The following SCN7A variants were observed in gnomAD, a reference collection of about 807,000 sequenced individuals.
SCN7A encodes the protein sodium channel protein type 7 subunit alpha.
A neutral mutation model predicts 155.2 loss-of-function variants in SCN7A; 138 were observed. The ratio of observed to expected loss-of-function variants is 0.89; its 90% confidence interval spans 0.77 to 1.02. The LOEUF (loss-of-function observed/expected upper bound fraction) is 1.02, where lower values mean the gene tolerates loss of function less well. Ranked by LOEUF, SCN7A falls within the 50% of genes least tolerant of loss-of-function variation. The probability of loss-of-function intolerance (pLI) is 0.00; values close to 1 mark genes in which losing one functional copy is unlikely to be tolerated. For missense variants in SCN7A, 2,058 were observed against 1,986.6 expected (o/e 1.04, Z -0.68); for synonymous variants, 693 against 649.0 (o/e 1.07, Z -1.03).
At position 166,414,122 on chromosome 2, in the gene SCN7A, AT is replaced by A. The variant is rs1559088188; in HGVS notation, c.3415-1002del. Among the ~76,000 whole-genome samples the A allele has an allele frequency of 3.0e-4, 25 of 84,636 alleles. 1 individual carries two copies. The East Asian group carries it at 4.0e-3, about 14-fold the overall frequency. The allele number at this position is 84,636 out of a possible 152,430, so 55.5% of individuals were successfully genotyped here. On this transcript the variant is annotated intron_variant, in intron 21 of 25. Coordinates refer to ENST00000643258, the MANE Select transcript of SCN7A (RefSeq NM_002976.4). ...AATATATTATATATAAATATATATA[AT>A]ATATTATATATATGTAAATATATAT...
At chr2:166,435,045 A>G (rs993867234) in intron 15 of SCN7A, among the ~76,000 whole-genome samples, 12 of 152,140 alleles carry the variant, frequency 7.9e-5, no homozygotes, top group Admixed American at 2.6e-4. Flanking sequence ...ATGCACACAA[A>G]TATACACACA....
intron 10 of SCN7A, among the ~76,000 whole-genome samples, chr2:166,461,288 C>T (rs1050575447): frequency 2.0e-5 from 3 of 151,948 alleles, no homozygotes; most frequent in Non-Finnish European, 4.4e-5. Context: ...AAAGAATGTT[C>T]TCCTTCAACT....
chr2:166,465,892 T>C lies in SCN7A; in HGVS notation c.760A>G (p.Ile254Val). The change falls in exon 8 of 26, where the codon ATT becomes GTT. Residue 254 changes from isoleucine (I) to valine (V), a missense_variant. Ile to Val is a conservative substitution (Grantham distance 29). Transcript: ENST00000643258. ...TTGCCCATGAAGAGCCCCATCCCAA[T>C]TAGAGAAAATATGCTCAGAAAAAAC... ...TLFFLSIFSL[I>V]GMGLFMGNLK... 6.2e-7 allele frequency: 1 copy of C among 1,613,846 alleles called. No homozygotes were observed. Among genetic ancestry groups the C allele is most frequent in the Non-Finnish European group, 8.5e-7 (1 of 1,179,836 alleles).
At chr2:166,420,834 T>A (rs1263769720) in intron 20 of SCN7A, among the ~76,000 whole-genome samples, 1 of 151,992 alleles carries the variant, frequency 6.6e-6, no homozygotes, top group East Asian at 1.9e-4. Flanking sequence ...AATTTTAAAG[T>A]TTGTTAACTG....
Position 166,423,242 on chromosome 2 carries a change from T to C in SCN7A, c.3027+17A>G. 6.3e-7 allele frequency: 1 copy of C among 1,592,422 alleles called. No homozygotes were observed. Reference sequence around the variant, plus strand: ...AAAGTAAATCAAATAGCCTTTCATTTTCTTTAAAATACGTACAATAACAAC... The same window carrying C: ...AAAGTAAATCAAATAGCCTTTCATTCTCTTTAAAATACGTACAATAACAAC... On this transcript the variant is annotated intron_variant, in intron 19 of 25. Coordinates refer to ENST00000643258, the MANE Select transcript of SCN7A (RefSeq NM_002976.4).
intron 21 of SCN7A, among the ~76,000 whole-genome samples, chr2:166,413,451 A>G (rs1559087346): frequency 6.6e-6 from 1 of 152,028 alleles, no homozygotes; most frequent in Non-Finnish European, 1.5e-5. Context: ...TCTGTGAGAG[A>G]CATAAGAGGA....
chr2:166,486,373 G>T (rs1222437323), intron 2 of SCN7A, among the ~76,000 whole-genome samples: 1 of 152,108 alleles, frequency 6.6e-6, no homozygotes, highest in Non-Finnish European at 1.5e-5. Context: ...CTCCATGTTA[G>T]ATTCAGATAG....
rs1216626106 is a variant in SCN7A, at chr2:166,477,491, A to G, written c.206T>C (p.Val69Ala). The G allele has an allele frequency of 2.0e-5, 31 of 1,548,238 alleles. No individual in the cohort carries two copies. The highest frequency in any genetic ancestry group is 2.6e-5 in the Non-Finnish European group (30 of 1,145,406). ...TTTTTTCTTGTAGTAATATGGGTCC[A>G]CATCTTCCAAGGGCTCTGACACCAT... ...QGMVSEPLED[V>A]DPYYYKKKNT... The change falls in exon 3 of 26, where the codon GTG becomes GCG. Residue 69 changes from valine to alanine, a missense_variant. Transcript: ENST00000643258.
rs1306987197 is a variant in SCN7A, at chr2:166,441,525, G to A, written c.2028C>T (p.His676=). 1.9e-6 allele frequency: 3 copies of A among 1,614,124 alleles called. No individual in the cohort carries two copies. The Admixed American group carries it at 5.0e-5, about 27-fold the overall frequency. The stretch of plus-strand genomic sequence containing the variant: ...GAATTCGGAACACATTCAGGAAGGA[G>A]TGGAAAAAGTCATGCATGTGCCAGC... The part of the protein sequence containing the change: ...LPRWHMHDFF[H]SFLNVFRILC... Residue 676 remains histidine, a synonymous_variant, in exon 15 of 26, where the codon CAC becomes CAT. Transcript: ENST00000643258.
At chr2:166,477,762 C>T in intron 2 of SCN7A, 52 bp from the exon 3 acceptor site, 4 of 1,165,616 alleles carry the variant, frequency 3.4e-6, no homozygotes, top group Non-Finnish European at 4.7e-6. Context: ...CATAAAAGTA[C>T]AAAAGATTAG....
intron 20 of SCN7A, among the ~76,000 whole-genome samples, chr2:166,418,330 C>T (rs1168255235): frequency 2.2e-5 from 3 of 134,794 alleles, no homozygotes; most frequent in Non-Finnish European, 3.1e-5. Context: ...CGGGGTTTCA[C>T]CATGTTGGTC....
At chr2:166,486,637 A>G (rs1218746742) in intron 2 of SCN7A, among the ~76,000 whole-genome samples, 2 of 152,182 alleles carry the variant, frequency 1.3e-5, no homozygotes, top group Non-Finnish European at 2.9e-5. Context: ...CAGTGGCCCA[A>G]TCCAGACAGA....
chr2:166,411,559 A>C (rs1371021167), intron 23 of SCN7A, among the ~76,000 whole-genome samples: 2 of 152,084 alleles, frequency 1.3e-5, no homozygotes, highest in African/African-American at 4.8e-5. Context: ...AGGTTGCTAA[A>C]TCTATGGTAT....
Position 166,456,914 on chromosome 2 carries a change from G to A in SCN7A, c.1246C>T (p.Gln416Ter). The A allele has an allele frequency of 6.4e-7, 1 of 1,557,390 alleles. No individual in the cohort carries two copies. The highest frequency in any genetic ancestry group is 8.7e-7 in the Non-Finnish European group (1 of 1,150,118). The change falls in exon 11 of 26, where the codon CAA becomes TAA. Residue 416 changes from glutamine (Q) to a stop codon, truncating the protein, a stop_gained. Coordinates refer to ENST00000643258, the MANE Select transcript of SCN7A (RefSeq NM_002976.4). LOFTEE classifies it high-confidence loss of function. ...TCTTGAAGTTCTTTTCCAGTCTGTT[G>A]AAATTTTGGTTCAATCTTCTTAGAT... ...EISKKIEPKF[Q>*]QTGKELQEGN...
intron 15 of SCN7A, among the ~76,000 whole-genome samples, chr2:166,436,885 T>G (rs935614647): frequency 2.0e-5 from 3 of 152,118 alleles, no homozygotes; most frequent in African/African-American, 7.2e-5. Context: ...AGAGATGATT[T>G]CGGGTATCTG....
At chr2:166,411,457 G>A (rs1446718590) in intron 23 of SCN7A, among the ~76,000 whole-genome samples, 1 of 150,258 alleles carries the variant, frequency 6.7e-6, no homozygotes. Context: ...AGTGATGCTG[G>A]CCTTCGAATA....
rs753355564 is a variant in SCN7A, at chr2:166,474,245, T to C, written c.334A>G (p.Ile112Val). Reference sequence around the variant, plus strand: ...GGATATGGATGTACCAAAACCTTGATAGTTGTTCTTCTAATACAATTGAAA... The same window carrying C: ...GGATATGGATGTACCAAAACCTTGACAGTTGTTCTTCTAATACAATTGAAA... ...SPFNCIRRTT[I>V]KVLVHPFFQL... The change falls in exon 4 of 26, where the codon ATC becomes GTC. Residue 112 changes from isoleucine (I) to valine (V), a missense_variant. Transcript: ENST00000643258. 3.1e-5 allele frequency: 46 copies of C among 1,504,574 alleles called. 1 individual carries two copies. The South Asian group carries it at 5.4e-4, about 18-fold the overall frequency. The allele number at this position is 1,504,574 out of a possible 1,614,324, so 93.2% of individuals were successfully genotyped here.
At chr2:166,488,883 C>G (rs12612573) in intron 1 of SCN7A, among the ~76,000 whole-genome samples, 44,400 of 151,978 alleles carry the variant, frequency 0.29, 6,941 homozygotes, top group Non-Finnish European at 0.35. Flanking sequence ...GGTGATCTGC[C>G]CACCTCAGCC....
At chr2:166,432,072 A>G (rs1559099717) in intron 16 of SCN7A, among the ~76,000 whole-genome samples, 1 of 152,138 alleles carries the variant, frequency 6.6e-6, no homozygotes, top group East Asian at 1.9e-4. Context: ...TCTATGCACT[A>G]TTACCTCCCC....
Sources: gnomAD v4.1 joint callset for allele counts (sites outside exome capture counted in the v4.1 genomes callset) on GRCh38, gnomAD v4.1.1 for gene constraint, MANE v1.5 for transcripts, NCBI Gene and HGNC (gene_info 2026-07-23, HGNC 2026-07-21) for gene names.